Variants in LIMD1 observed in about 807,000 individuals in gnomAD.
LIMD1 encodes the protein LIM domain containing 1.
In LIMD1, 23 loss-of-function variants were observed where a neutral mutation model predicts 58.4. That is an observed-to-expected ratio of 0.39 (90% CI 0.28 to 0.56). The LOEUF is 0.56. Among genes scored for constraint, LIMD1 ranks in the 20% least tolerant of loss-of-function variants. The pLI is 0.57. For synonymous variants in LIMD1, 334 were observed against 345.5 expected (o/e 0.97, Z 0.37); for missense variants, 838 against 855.5 (o/e 0.98, Z 0.25).
At chr3:45,601,112 GGC>G (rs1701407934) in intron 1 of LIMD1, among the ~76,000 whole-genome samples, 2 of 152,148 alleles carry the variant, frequency 1.3e-5, no homozygotes, top group Non-Finnish European at 2.9e-5. Context: ...ACTTGTCATA[GGC>G]TGGGTTTCCT....
chr3:45,651,472 A>G (rs375322861), intron 2 of LIMD1, among the ~76,000 whole-genome samples: 37 of 152,244 alleles, frequency 2.4e-4, no homozygotes, highest in African/African-American at 8.9e-4. Flanking sequence ...TTTTGGTCTT[A>G]CATTTAAGTC....
intron 1 of LIMD1, among the ~76,000 whole-genome samples, chr3:45,601,639 G>A (rs1029609139): frequency 1.3e-5 from 2 of 152,162 alleles, no homozygotes; most frequent in African/African-American, 2.4e-5. Context: ...GGCCTTGTTG[G>A]CATTTAACCT....
intron 1 of LIMD1, among the ~76,000 whole-genome samples, chr3:45,596,503 G>T (rs1337542219): frequency 1.3e-5 from 2 of 152,158 alleles, no homozygotes; most frequent in Non-Finnish European, 2.9e-5. Context: ...TGCAGCTGGG[G>T]TTACCCATGT....
intron 2 of LIMD1, among the ~76,000 whole-genome samples, chr3:45,643,894 G>A (rs6765732): frequency 0.73 from 111,454 of 152,124 alleles, 42,159 homozygotes; most frequent in East Asian, 0.97. Context: ...CCTACTGTTT[G>A]TATTGCTCGG....
intron 1 of LIMD1, among the ~76,000 whole-genome samples, chr3:45,599,723 G>A (rs1002924301): frequency 5.3e-5 from 8 of 152,342 alleles, no homozygotes; most frequent in South Asian, 4.1e-4. Flanking sequence ...AGGGGCAGGC[G>A]TAGCTGCAAG....
chr3:45,651,063 TGA>T (rs1701969680), intron 2 of LIMD1, among the ~76,000 whole-genome samples: 1 of 151,860 alleles, frequency 6.6e-6, no homozygotes, highest in Admixed American at 6.6e-5. Flanking sequence ...ATTGTGGTTT[TGA>T]TTTGCATTTC....
At chr3:45,668,990 C>G (rs780312615) in intron 4 of LIMD1, among the ~76,000 whole-genome samples, 2 of 152,202 alleles carry the variant, frequency 1.3e-5, no homozygotes, top group Non-Finnish European at 2.9e-5. Flanking sequence ...CTGCAGAAAT[C>G]TCAGCTACCT....
Position 45,596,025 on chromosome 3 carries a change from G to A in LIMD1, c.1146G>A (p.Lys382=). Residue 382 remains lysine, a synonymous_variant, in exon 1 of 8, where the codon AAG becomes AAA. Coordinates refer to ENST00000273317, the MANE Select transcript of LIMD1 (RefSeq NM_014240.3). The part of the protein sequence containing the change: ...PGCTDLGTGP[K]LSPTSLVHPV... ...GCACAGACCTTGGCACTGGTCCCAAGCTCAGCCCCACCAGTCTTGTCCATC... is the reference window on the plus strand; with the variant it reads ...GCACAGACCTTGGCACTGGTCCCAAACTCAGCCCCACCAGTCTTGTCCATC... 1.2e-6 allele frequency: 2 copies of A among 1,614,208 alleles called. No homozygotes were observed. Among genetic ancestry groups the A allele is most frequent in the South Asian group, 2.2e-5 (2 of 91,088 alleles).
intron 2 of LIMD1, among the ~76,000 whole-genome samples, chr3:45,646,809 C>A (rs9820154): frequency 1.3e-5 from 2 of 151,874 alleles, no homozygotes; most frequent in East Asian, 1.9e-4. Flanking sequence ...ACCTCAGTCC[C>A]TTTAGTCCCC....
intron 2 of LIMD1, among the ~76,000 whole-genome samples, chr3:45,642,182 T>C (rs920536227): frequency 1.3e-5 from 2 of 151,974 alleles, no homozygotes; most frequent in African/African-American, 4.8e-5. Context: ...TCTTTTTTTT[T>C]TTTTTCTTTT....
rs146431604 is a variant in LIMD1, at chr3:45,614,195, A to G, written c.1408+17908A>G. Among the ~76,000 whole-genome samples, 457 of 152,148 alleles carry G rather than the reference A, an allele frequency of 3.0e-3. 2 individuals are homozygous for G. The highest frequency in any genetic ancestry group is 0.011 in the African/African-American group (451 of 41,514). ...CTCTTAAGAGTTTGATTTAAAAAAC[A>G]TTTTTTTGTTTTTGCTTTTACCAGT... is the stretch of plus-strand genomic sequence containing the variant. On this transcript the variant is annotated intron_variant, in intron 1 of 7. Coordinates refer to ENST00000273317, the MANE Select transcript of LIMD1 (RefSeq NM_014240.3).
At chr3:45,596,863 C>CTTTT (rs1244008902) in intron 1 of LIMD1, among the ~76,000 whole-genome samples, 11 of 136,062 alleles carry the variant, frequency 8.1e-5, no homozygotes, top group African/African-American at 2.8e-4. Flanking sequence ...AGCAGTGGAT[C>CTTTT]TTTTTTTTTT....
At chr3:45,611,822 A>G (rs1298533226) in intron 1 of LIMD1, among the ~76,000 whole-genome samples, 1 of 152,186 alleles carries the variant, frequency 6.6e-6, no homozygotes, top group African/African-American at 2.4e-5. Flanking sequence ...GTTAGAAGCC[A>G]TGAATGGACT....
chr3:45,643,684 T>G (rs116358983), intron 2 of LIMD1, among the ~76,000 whole-genome samples: 226 of 152,202 alleles, frequency 1.5e-3, no homozygotes, highest in African/African-American at 5.1e-3. Context: ...GTAAATATAC[T>G]CTCCCCGCCA....
chr3:45,629,880 T>G (rs1379420551), intron 1 of LIMD1, among the ~76,000 whole-genome samples: 1 of 152,222 alleles, frequency 6.6e-6, no homozygotes, highest in African/African-American at 2.4e-5. Flanking sequence ...TTGCACACCC[T>G]GTGAGAGGGA....
intron 2 of LIMD1, among the ~76,000 whole-genome samples, chr3:45,657,431 C>T (rs1438825319): frequency 1.3e-5 from 2 of 148,256 alleles, no homozygotes; most frequent in Non-Finnish European, 3.0e-5. Flanking sequence ...GAGGCCAAGG[C>T]GGGAGGATTG....
At position 45,630,493 on chromosome 3, in the gene LIMD1, G is replaced by A. The variant is rs368564445; in HGVS notation, c.1409-5657G>A. 2.0e-5 allele frequency among the ~76,000 whole-genome samples: 3 copies of A among 152,336 alleles called. No individual in the cohort carries two copies. In the East Asian group the frequency reaches 5.8e-4, roughly 29 times the overall value. On this transcript the variant is annotated intron_variant, in intron 1 of 7. Coordinates refer to ENST00000273317, the MANE Select transcript of LIMD1 (RefSeq NM_014240.3). ...CAATCAGAAGGCACGCACCTGCAGG[G>A]CCCCTCACAGAAGGGCAGGAGGAGC... is the stretch of plus-strand genomic sequence containing the variant.
At chr3:45,596,472 C>T (rs749857709) in intron 1 of LIMD1, among the ~76,000 whole-genome samples, 185 bp downstream of exon 1, 1 of 152,128 alleles carries the variant, frequency 6.6e-6, no homozygotes, top group Non-Finnish European at 1.5e-5. Flanking sequence ...TTGAAAGCAT[C>T]CTGGGGCAGA....
chr3:45,608,805 A>C (rs939925045), intron 1 of LIMD1, among the ~76,000 whole-genome samples: 1 of 141,074 alleles, frequency 7.1e-6, no homozygotes, highest in Non-Finnish European at 1.5e-5. Context: ...GTGTCATTGC[A>C]CTCCAGCCTG....
Sources: gnomAD v4.1 joint callset for allele counts (sites outside exome capture counted in the v4.1 genomes callset) on GRCh38, gnomAD v4.1.1 for gene constraint, MANE v1.5 for transcripts, NCBI Gene and HGNC (gene_info 2026-07-23, HGNC 2026-07-21) for gene names.